CRACD: variants seen among roughly 807,000 people sequenced by gnomAD.
The protein encoded by CRACD is capping protein inhibiting regulator of actin dynamics.
Under a neutral mutation model 106.8 loss-of-function variants are expected in CRACD, and 56 were observed. That is an observed-to-expected ratio of 0.52 (90% CI 0.42 to 0.66). The LOEUF (loss-of-function observed/expected upper bound fraction) is 0.66, where lower values mean the gene tolerates loss of function less well. Ranked by LOEUF, CRACD falls within the 30% of genes least tolerant of loss-of-function variation. The pLI, the probability that CRACD is intolerant of heterozygous loss-of-function variation, is 0.00. For missense variants in CRACD, 1,730 were observed against 1,623.2 expected, an observed-to-expected ratio of 1.07 and a Z score of -1.13; for synonymous variants, 754 against 670.8, an observed-to-expected ratio of 1.12 and a Z score of -1.92.
chr4:56,255,872 T>C (rs745343686), intron 2 of CRACD, among the ~76,000 whole-genome samples: 26 of 152,222 alleles, frequency 1.7e-4, no homozygotes, highest in Non-Finnish European at 3.4e-4. Flanking sequence ...ACCAAAAAGC[T>C]GCTCATTTTG....
At chr4:56,147,298 C>G (rs1735420731) in intron 1 of CRACD, among the ~76,000 whole-genome samples, 1 of 152,114 alleles carries the variant, frequency 6.6e-6, no homozygotes, top group Non-Finnish European at 1.5e-5. Flanking sequence ...AAGAAACGAG[C>G]AAAAAGAGTT....
chr4:56,243,465 A>G (rs1740489936), intron 2 of CRACD, among the ~76,000 whole-genome samples: 1 of 152,200 alleles, frequency 6.6e-6, no homozygotes, highest in Admixed American at 6.5e-5. Context: ...GAGTCACTGT[A>G]TTTTGGAGCC....
intron 2 of CRACD, among the ~76,000 whole-genome samples, chr4:56,210,084 C>T (rs1352822213): frequency 2.0e-5 from 3 of 152,134 alleles, no homozygotes; most frequent in African/African-American, 7.2e-5. Context: ...GCACTGAGAA[C>T]GTGTTTCCAG....
At chr4:56,196,517 A>G (rs1737619081) in intron 2 of CRACD, 1 of 152,802 alleles carries the variant, frequency 6.5e-6, no homozygotes, top group South Asian at 2.1e-4. Context: ...AAATACCTGG[A>G]TTTACCAATA....
intron 1 of CRACD, among the ~76,000 whole-genome samples, chr4:56,072,467 C>T (rs1038525302): frequency 6.6e-6 from 1 of 152,156 alleles, no homozygotes; most frequent in African/African-American, 2.4e-5. Context: ...CTTTCAAAAA[C>T]ACAGCCTTAT....
intron 1 of CRACD, among the ~76,000 whole-genome samples, chr4:56,154,589 A>G (rs924053589): frequency 1.3e-5 from 2 of 152,210 alleles, no homozygotes; most frequent in Non-Finnish European, 2.9e-5. Flanking sequence ...TTAATAAACT[A>G]TGAAGAAATC....
chr4:56,113,507 A>C (rs1321078960), intron 1 of CRACD, among the ~76,000 whole-genome samples: 2 of 152,200 alleles, frequency 1.3e-5, no homozygotes, highest in Non-Finnish European at 2.9e-5. Flanking sequence ...CCATGGGAAG[A>C]TACTTCTCCA....
At chr4:56,298,064 A>G (rs888823309) in intron 3 of CRACD, 150 bp from the exon 4 acceptor site, 1 of 782,474 alleles carries the variant, frequency 1.3e-6, no homozygotes, top group Non-Finnish European at 2.0e-6. Context: ...TCCTTGGCTG[A>G]CCCCCAGCAG....
intron 1 of CRACD, among the ~76,000 whole-genome samples, chr4:56,119,319 T>C (rs1418260084): frequency 6.6e-6 from 1 of 151,956 alleles, no homozygotes; most frequent in Non-Finnish European, 1.5e-5. Flanking sequence ...AATTGAGTTC[T>C]ATTCTCAGTC....
intron 2 of CRACD, among the ~76,000 whole-genome samples, chr4:56,197,722 C>G (rs1465773588): frequency 3.4e-4 from 51 of 151,908 alleles, no homozygotes; most frequent in Non-Finnish European, 7.1e-4. Flanking sequence ...TCTGTTGCCC[C>G]GCTGGAGTGC....
intron 1 of CRACD, among the ~76,000 whole-genome samples, chr4:56,151,397 C>CTTT: frequency 6.8e-6 from 1 of 147,800 alleles, no homozygotes; most frequent in South Asian, 2.2e-4. Flanking sequence ...AACGCATTGC[C>CTTT]TTTTTTTTTT....
intron 1 of CRACD, among the ~76,000 whole-genome samples, chr4:56,077,845 G>T (rs895645375): frequency 6.6e-5 from 10 of 152,308 alleles, no homozygotes; most frequent in African/African-American, 2.2e-4. Context: ...CTGCAATAGG[G>T]TTATGAACAG....
At chr4:56,182,468 T>C (rs908482205) in intron 2 of CRACD, among the ~76,000 whole-genome samples, 15 of 150,032 alleles carry the variant, frequency 1.0e-4, no homozygotes, top group African/African-American at 3.7e-4. Context: ...AGGCCAGGCA[T>C]GTCCTAGCTA....
intron 1 of CRACD, among the ~76,000 whole-genome samples, chr4:56,136,923 T>C (rs1253646090): frequency 6.6e-6 from 1 of 152,234 alleles, no homozygotes; most frequent in South Asian, 2.1e-4. Flanking sequence ...ATATTAACTT[T>C]TGTGCGCTGT....
intron 3 of CRACD, among the ~76,000 whole-genome samples, chr4:56,289,535 C>T (rs1338743105): frequency 2.6e-5 from 4 of 151,832 alleles, no homozygotes; most frequent in Non-Finnish European, 5.9e-5. Context: ...TAGCCAGGCA[C>T]GGTGGTGCAC....
intron 2 of CRACD, among the ~76,000 whole-genome samples, chr4:56,234,878 G>A (rs1219734191): frequency 1.3e-5 from 2 of 152,142 alleles, no homozygotes; most frequent in Admixed American, 6.5e-5. Context: ...GAAAACATAG[G>A]CTTAGAAATT....
chr4:56,294,517 A>G lies in CRACD; in HGVS notation c.-16-3697A>G. Among the ~76,000 whole-genome samples the G allele has an allele frequency of 1.3e-5, 2 of 152,378 alleles. 1 individual carries two copies. Among genetic ancestry groups the G allele is most frequent in the South Asian group, 4.1e-4 (2 of 4,830 alleles). ...ATGAGGAGTCAGCCCATGTTCATGG[A>G]TTAAAAGATTCAATATTGTAAAAAC... On this transcript the variant is annotated intron_variant, in intron 3 of 10. Transcript: ENST00000682029.
Position 56,316,535 on chromosome 4 carries a change from T to C in CRACD, c.3033T>C (p.Ser1011=), listed in dbSNP as rs192030980. The change falls in exon 8 of 11, where the codon AGT becomes AGC. Residue 1011 remains serine, a synonymous_variant. Coordinates refer to ENST00000682029, the MANE Select transcript of CRACD (RefSeq NM_001393381.1). ...CGTCCAAGGAGGACCAGGAGAGCAG[T>C]GACCGCCGGCCACCCTCGCCCCCAG... is the stretch of plus-strand genomic sequence containing the variant. ...SEPSKEDQES[S]DRRPPSPPGP... 1.0e-3 allele frequency: 1,666 copies of C among 1,613,456 alleles called. 29 individuals carry two copies. In the African/African-American group the frequency reaches 0.02, roughly 19 times the overall value.
intron 8 of CRACD, among the ~76,000 whole-genome samples, chr4:56,318,332 T>A (rs1745823011): frequency 1.3e-5 from 2 of 152,114 alleles, no homozygotes; most frequent in Non-Finnish European, 2.9e-5. Flanking sequence ...TTGGCCTGGT[T>A]TTCTGGACAG....
Sources: gnomAD v4.1 joint callset for allele counts (sites outside exome capture counted in the v4.1 genomes callset) on GRCh38, gnomAD v4.1.1 for gene constraint, MANE v1.5 for transcripts, NCBI Gene and HGNC (gene_info 2026-07-23, HGNC 2026-07-21) for gene names.